Variants in NAV1 observed in about 807,000 individuals in gnomAD.
NAV1 encodes neuron navigator 1.
NAV1 carries 18 observed loss-of-function variants against 175.2 expected under a neutral mutation model. The ratio of observed to expected loss-of-function variants is 0.10; its 90% CI spans 0.07 to 0.15. NAV1 has a LOEUF of 0.15. Among genes scored for constraint, NAV1 ranks in the 10% least tolerant of loss-of-function variants. The pLI is 1.00. For missense variants in NAV1, 1,731 were observed against 2,436.6 expected, an observed-to-expected ratio of 0.71 and a Z score of 6.10; for synonymous variants, 897 against 978.7, an observed-to-expected ratio of 0.92 and a Z score of 1.56.
chr1:201,641,437 C>T (rs12401304), intron 2 of NAV1, among the ~76,000 whole-genome samples: 9 of 152,164 alleles, frequency 5.9e-5, no homozygotes, highest in Admixed American at 5.9e-4. Flanking sequence ...CCTACCAAGG[C>T]TCCCATCTCA....
chr1:201,649,096 A>C, exon 1 of NAV1: 1 of 1,612,972 alleles, frequency 6.2e-7, no homozygotes, highest in Non-Finnish European at 8.5e-7. Context: ...TCCAAGTCGG[A>C]GCACTCGCTC....
intron 1 of NAV1, among the ~76,000 whole-genome samples, chr1:201,562,472 C>T (rs1317613362): frequency 1.3e-5 from 2 of 152,204 alleles, no homozygotes; most frequent in African/African-American, 4.8e-5. Flanking sequence ...CCCCATGACT[C>T]ACTCCTCCAT....
At chr1:201,800,142 G>A (rs1336365662) in intron 15 of NAV1, among the ~76,000 whole-genome samples, 1 of 151,926 alleles carries the variant, frequency 6.6e-6, no homozygotes, top group Non-Finnish European at 1.5e-5. Flanking sequence ...TGTGATTAGA[G>A]GTGCGCACCA....
intron 1 of NAV1, among the ~76,000 whole-genome samples, chr1:201,700,783 G>A (rs541185595): frequency 1.4e-4 from 22 of 152,048 alleles, no homozygotes; most frequent in East Asian, 1.2e-3. Context: ...AGGCCGAGGC[G>A]GGTGGATCAC....
At position 201,788,353 on chromosome 1, in the gene NAV1, T is replaced by C; in HGVS notation, c.2996-115T>C. ...CCCTTCCTCTCCTGCCCTCTCCCCA[T>C]TTGCCTCTCATGCTCCCGGTGCTCC... On this transcript the variant is annotated intron_variant, in intron 9 of 29. Transcript: ENST00000367296. This position sits in a 1 kb window ranked among gnomAD's most constrained non-coding sequence, Gnocchi z 5.7. 3 of 1,086,920 alleles carry C rather than the reference T, an allele frequency of 2.8e-6. No individual in the cohort carries two copies. The highest frequency in any genetic ancestry group is 4.1e-6 in the Non-Finnish European group (3 of 726,798). 67.3% of individuals were successfully genotyped at this position (1,086,920 alleles called of 1,614,324 possible). A position where few individuals can be genotyped will look rare whatever the true frequency, so the allele number is the denominator to read the frequency against.
intron 3 of NAV1, chr1:201,724,676 G>A (rs1009775010): frequency 6.5e-6 from 1 of 152,702 alleles, no homozygotes; most frequent in African/African-American, 2.4e-5. Flanking sequence ...AGAGTCAGCA[G>A]GCTCCATCTT....
intron 1 of NAV1, among the ~76,000 whole-genome samples, chr1:201,675,587 T>A (rs908157057): frequency 6.6e-6 from 1 of 152,216 alleles, no homozygotes; most frequent in Non-Finnish European, 1.5e-5. Flanking sequence ...GTGTTTGTAT[T>A]TTACTCATCC....
rs1210794832 is a variant in NAV1 at position 201,750,574 on chromosome 1, T to C, written c.1227-29847T>C. Among the ~76,000 whole-genome samples, 1 of 152,198 alleles carries C rather than the reference T, an allele frequency of 6.6e-6. No individual in the cohort carries two copies. Among genetic ancestry groups the C allele is most frequent in the Admixed American group, 6.5e-5 (1 of 15,278 alleles). On this transcript the variant is annotated intron_variant, in intron 3 of 29. Coordinates refer to ENST00000367296, the Ensembl canonical transcript of NAV1. The surrounding 1 kb of genome is among the most constrained non-coding windows in gnomAD (Gnocchi z 4.1). ...CCATGTCTTTCTTTCTCCAAATCTA[T>C]ATGAGATCTAAATAAGCTCTCCCCA...
chr1:201,785,268 TTC>T (rs199798576), intron 7 of NAV1, 40 bp from the exon 12 acceptor site: 43 of 1,494,638 alleles, frequency 2.9e-5, no homozygotes, highest in African/African-American at 1.6e-4. Context: ...ACCCACATGC[TTC>T]TCTCTCTCTC....
exon 5 of NAV1, chr1:201,781,306 G>T (rs148178482): frequency 2.9e-5 from 47 of 1,605,322 alleles, no homozygotes; most frequent in Admixed American, 1.2e-4. Context: ...CCTCAAAGTC[G>T]CAGGTGAGCC....
rs1199898242 is a variant in NAV1 at position 201,579,064 on chromosome 1, C to T, written c.-143-9475C>T. On this transcript the variant is annotated intron_variant, in intron 1 of 33. Coordinates refer to the NAV1 transcript ENST00000685211. ...AGCAGAATCGCTCGAACCTGGGAGG[C>T]GGAGGTTGCAGTGAGCCAAGATCAC... is the stretch of plus-strand genomic sequence containing the variant. Among the ~76,000 whole-genome samples the T allele has an allele frequency of 2.0e-5, 3 of 151,608 alleles. No individual in the cohort carries two copies. The East Asian group carries it at 5.9e-4, about 30-fold the overall frequency.
At chr1:201,729,988 C>G (rs938060760) in intron 3 of NAV1, among the ~76,000 whole-genome samples, 1 of 152,150 alleles carries the variant, frequency 6.6e-6, no homozygotes, top group African/African-American at 2.4e-5. Flanking sequence ...CTTGGTTACT[C>G]CTAGAAAACC....
At chr1:201,733,003 G>A (rs1177820112) in intron 3 of NAV1, among the ~76,000 whole-genome samples, 2 of 151,802 alleles carry the variant, frequency 1.3e-5, no homozygotes, top group Non-Finnish European at 2.9e-5. Context: ...CCCAGGAGGC[G>A]GAGGTTGCAG....
At chr1:201,604,426 C>T (rs1558015131) in intron 2 of NAV1, among the ~76,000 whole-genome samples, 1 of 152,098 alleles carries the variant, frequency 6.6e-6, no homozygotes, top group Non-Finnish European at 1.5e-5. Context: ...CGCCTGTAAT[C>T]CTAACACTTT....
chr1:201,618,269 C>G (rs1668061079), upstream of NAV1, among the ~76,000 whole-genome samples: 1 of 152,176 alleles, frequency 6.6e-6, no homozygotes, highest in Non-Finnish European at 1.5e-5. Context: ...CTGGATGAGG[C>G]CTATCTTTTC....
rs1571494077 is a variant in NAV1 at position 201,787,854 on chromosome 1, C to G, written c.2996-614C>G. ...GCCTTACCTGACACTTTCACCTGCT[C>G]TGTCCATCTGACCTTCAAGCCGGGG... On this transcript the variant is annotated intron_variant, in intron 9 of 29. Transcript: ENST00000367296. This position sits in a 1 kb window ranked among gnomAD's most constrained non-coding sequence, Gnocchi z 4.3. 2.7e-6 allele frequency: 1 copy of G among 371,164 alleles called. No individual in the cohort carries two copies. The highest frequency in any genetic ancestry group is 5.4e-6 in the Non-Finnish European group (1 of 186,546). The allele number at this position is 371,164 out of a possible 1,614,324, so 23.0% of individuals were successfully genotyped here.
chr1:201,626,551 T>A (rs1240843542), intron 1 of NAV1, among the ~76,000 whole-genome samples: 1 of 152,158 alleles, frequency 6.6e-6, no homozygotes, highest in Non-Finnish European at 1.5e-5. Context: ...CCCTGTCCGC[T>A]CTCAGGAGAC....
chr1:201,805,975 TTCTC>T (rs376916856), intron 17 of NAV1, among the ~76,000 whole-genome samples: 82 of 144,636 alleles, frequency 5.7e-4, no homozygotes, highest in African/African-American at 2.0e-3. Context: ...GTACTGCATT[TTCTC>T]TCTCTCTCTC....
chr1:201,673,612 A>G (rs1005608067), intron 1 of NAV1, among the ~76,000 whole-genome samples: 2 of 152,200 alleles, frequency 1.3e-5, no homozygotes, highest in African/African-American at 4.8e-5. Flanking sequence ...CGCAAGGAAC[A>G]GGCCCTGCCC....
Sources: gnomAD v4.1 joint callset for allele counts (sites outside exome capture counted in the v4.1 genomes callset) on GRCh38, gnomAD v4.1.1 for gene constraint, Gnocchi (gnomAD v3.1) non-coding constraint, MANE v1.5 for transcripts, NCBI Gene and HGNC (gene_info 2026-07-23, HGNC 2026-07-21) for gene names.